CARS1: variants seen among roughly 807,000 people sequenced by gnomAD.
The protein encoded by CARS1 is cysteine--tRNA ligase, cytoplasmic.
CARS1 carries 48 observed loss-of-function variants against 106.2 expected under a neutral mutation model. That is an observed-to-expected ratio of 0.45 (90% CI 0.36 to 0.57). CARS1 has a LOEUF of 0.57. Ranked by LOEUF, CARS1 falls within the 20% of genes least tolerant of loss-of-function variation. The pLI, the probability that CARS1 is intolerant of heterozygous loss-of-function variation, is 0.00. For missense variants in CARS1, 968 were observed against 1,057.2 expected, an observed-to-expected ratio of 0.92 and a Z score of 1.17; for synonymous variants, 409 against 403.4, an observed-to-expected ratio of 1.01 and a Z score of -0.17.
At chr11:3,056,321 G>C (rs1268924196) in intron 1 of CARS1, among the ~76,000 whole-genome samples, 1 of 152,212 alleles carries the variant, frequency 6.6e-6, no homozygotes, top group East Asian at 1.9e-4. Flanking sequence ...TTAAAAACTA[G>C]ATACTGAGAA....
rs1851152845 is a variant in CARS1, at chr11:3,017,473, A to C, written c.1728-178T>G. ...GCCTGACAAACATGGAGAGACCCCC[A>C]CCTCTACTAAAAATCTGAAATTAGC... is the stretch of plus-strand genomic sequence containing the variant. On this transcript the variant is annotated intron_variant, in intron 15 of 22. Coordinates refer to ENST00000380525, the MANE Select transcript of CARS1 (RefSeq NM_001014437.3). The surrounding 1 kb of genome is among the most constrained non-coding windows in gnomAD (Gnocchi z 4.9). The C allele has an allele frequency of 6.8e-6, 4 of 590,476 alleles. No individual in the cohort carries two copies. Among genetic ancestry groups the C allele is most frequent in the African/African-American group, 5.6e-5 (3 of 53,642 alleles). The allele number at this position is 590,476 out of a possible 1,614,324, so 36.6% of individuals were successfully genotyped here. A position where few individuals can be genotyped will look rare whatever the true frequency, so the allele number is the denominator to read the frequency against.
At position 3,020,328 on chromosome 11, in the gene CARS1, G is replaced by A. The variant is rs1851460055; in HGVS notation, c.1158C>T (p.Asp386=). ...DQKALQEGEG[D]LSISADRLSE... ...TCAGGCGGTCTGCAGAGATGCTCAG[G>A]TCACCTGCAAACACGAGGGACGCCA... Residue 386 remains aspartate (D), a synonymous_variant, in exon 11 of 23, where the codon GAC becomes GAT. Transcript: ENST00000380525. This position sits in a 1 kb window ranked among gnomAD's most constrained non-coding sequence, Gnocchi z 4.6. The A allele has an allele frequency of 6.2e-7, 1 of 1,609,690 alleles. No homozygotes were observed. Among genetic ancestry groups the A allele is most frequent in the Non-Finnish European group, 8.5e-7 (1 of 1,175,996 alleles).
Position 3,000,993 on chromosome 11 carries a change from A to G in CARS1, c.*121T>C. On this transcript the variant is annotated 3_prime_UTR_variant, in exon 23 of 23. Transcript: ENST00000380525. The surrounding 1 kb of genome is among the most constrained non-coding windows in gnomAD (Gnocchi z 7.1). ...AACGACGACACGAACCTACATGAACACAACTCTTAATTTAGGACCCAAGGG... is the reference window on the plus strand; with the variant it reads ...AACGACGACACGAACCTACATGAACGCAACTCTTAATTTAGGACCCAAGGG... 2 of 1,146,520 alleles carry G rather than the reference A, an allele frequency of 1.7e-6. No individual in the cohort carries two copies. Among genetic ancestry groups the G allele is most frequent in the Admixed American group, 2.1e-5 (1 of 48,372 alleles). The allele number at this position is 1,146,520 out of a possible 1,614,324, so 71.0% of individuals were successfully genotyped here.
intron 1 of CARS1, among the ~76,000 whole-genome samples, chr11:3,051,567 C>G (rs1423794726): frequency 6.6e-6 from 1 of 152,240 alleles, no homozygotes; most frequent in Non-Finnish European, 1.5e-5. Flanking sequence ...TTTTGCAGAG[C>G]AACTTCCAGC....
At position 3,045,277 on chromosome 11, in the gene CARS1, C is replaced by T; in HGVS notation, c.274+2476G>A. ...AGCCTTTCCATTATCTCCAACCCCC[C>T]ACCCCGAGACGGAGTCTCGCTCTGT... On this transcript the variant is annotated intron_variant, in intron 2 of 22. Transcript: ENST00000380525. The surrounding 1 kb of genome is among the most constrained non-coding windows in gnomAD (Gnocchi z 5.6). Among the ~76,000 whole-genome samples, 1 of 152,072 alleles carries T rather than the reference C, an allele frequency of 6.6e-6. No individual in the cohort carries two copies. The highest frequency in any genetic ancestry group is 1.9e-4 in the East Asian group (1 of 5,182).
At chr11:3,026,582 G>A in intron 10 of CARS1, 94 bp downstream of exon 10, 1 of 1,340,486 alleles carries the variant, frequency 7.5e-7, no homozygotes, top group Non-Finnish European at 1.0e-6. Context: ...TCTGAGGGGT[G>A]GGCTCAGCGC....
Position 3,020,995 on chromosome 11 carries a change from T to A in CARS1, c.1154-663A>T, listed in dbSNP as rs1267919075. On this transcript the variant is annotated intron_variant, in intron 10 of 22. Coordinates refer to ENST00000380525, the MANE Select transcript of CARS1 (RefSeq NM_001014437.3). This position sits in a 1 kb window ranked among gnomAD's most constrained non-coding sequence, Gnocchi z 4.6. ...AGTTCTATTTCCTGGACAAAGCCAA[T>A]GATCACCTGGCCAACAAAAACAAGA... Among the ~76,000 whole-genome samples the A allele has an allele frequency of 6.6e-6, 1 of 152,080 alleles. No homozygotes were observed. The highest frequency in any genetic ancestry group is 2.4e-5 in the African/African-American group (1 of 41,378).
intron 19 of CARS1, among the ~76,000 whole-genome samples, chr11:3,006,597 G>A (rs768540561): frequency 6.6e-6 from 1 of 152,256 alleles, no homozygotes; most frequent in South Asian, 2.1e-4. Context: ...CTTCAAAGGC[G>A]GTAGCAACAG....
rs147744107 is a variant in CARS1, at chr11:3,032,928, G to A, written c.802-3485C>T. On this transcript the variant is annotated intron_variant, in intron 7 of 22. Transcript: ENST00000380525. ...GGGTAATGACGCTCAGAGCAGGTTC[G>A]CTGACTGTAAGAAACGTACCCCCTG... Among the ~76,000 whole-genome samples the A allele has an allele frequency of 2.1e-3, 319 of 151,742 alleles. 2 individuals carry two copies. The highest frequency in any genetic ancestry group is 7.3e-3 in the African/African-American group (302 of 41,328).
In CARS1 at chr11:3,040,103, GGAT is replaced by G; in HGVS notation, c.456-175_456-173del. 1 of 548,924 alleles carries G rather than the reference GGAT, an allele frequency of 1.8e-6. No homozygotes were observed. 34.0% of individuals were successfully genotyped at this position (548,924 alleles called of 1,614,324 possible). A position where few individuals can be genotyped will look rare whatever the true frequency, so the allele number is the denominator to read the frequency against. ...AGTCTACTCAACGTGAAGATGGCAA[GGAT>G]GATGACCTTTATAATGATCCACTTC... is the stretch of plus-strand genomic sequence containing the variant. On this transcript the variant is annotated intron_variant, in intron 4 of 22. Transcript: ENST00000380525. This position sits in a 1 kb window ranked among gnomAD's most constrained non-coding sequence, Gnocchi z 5.8.
intron 10 of CARS1, 38 bp downstream of exon 10, chr11:3,026,638 A>T: frequency 6.2e-7 from 1 of 1,608,242 alleles, no homozygotes; most frequent in East Asian, 2.2e-5. Flanking sequence ...CTGGGCCAGG[A>T]GGGAGAGCCC....
At chr11:3,009,700 G>A (rs997444484) in intron 18 of CARS1, among the ~76,000 whole-genome samples, 1 of 152,194 alleles carries the variant, frequency 6.6e-6, no homozygotes, top group Admixed American at 6.5e-5. Context: ...CTCCTTGCCA[G>A]GCCTGTGCTC....
chr11:3,033,973 A>C (rs1024286230), intron 7 of CARS1, among the ~76,000 whole-genome samples: 8 of 152,148 alleles, frequency 5.3e-5, no homozygotes, highest in Non-Finnish European at 1.0e-4. Context: ...GTAGAGATAG[A>C]GTCTCACTAT....
chr11:3,017,055 C>T lies in CARS1; in HGVS notation c.1917+51G>A, dbSNP rs778690744. The stretch of plus-strand genomic sequence containing the variant: ...CTGTTCTCCCAGTCCTGGGGCCTGG[C>T]TCCTGTGTCCACACAGGCTGAGGGA... On this transcript the variant is annotated intron_variant, in intron 16 of 22. Coordinates refer to ENST00000380525, the MANE Select transcript of CARS1 (RefSeq NM_001014437.3). This position sits in a 1 kb window ranked among gnomAD's most constrained non-coding sequence, Gnocchi z 4.9. 87 of 1,518,136 alleles carry T rather than the reference C, an allele frequency of 5.7e-5. No individual in the cohort carries two copies. Among genetic ancestry groups the T allele is most frequent in the African/African-American group, 1.1e-4 (8 of 72,698 alleles). 94.0% of individuals were successfully genotyped at this position (1,518,136 alleles called of 1,614,324 possible).
Position 3,029,391 on chromosome 11 carries a change from A to C in CARS1, c.854T>G (p.Leu285Arg). ...DLLSDWLDST[L>R]GCDVTDNSIF... ...GGAATTGTCAGTGACATCACAGCCAAGTGTAGAATCCAGCCAGTCAGAGAG... is the reference window on the plus strand; with the variant it reads ...GGAATTGTCAGTGACATCACAGCCACGTGTAGAATCCAGCCAGTCAGAGAG... The change falls in exon 8 of 23, where the codon CTT becomes CGT. Residue 285 changes from leucine to arginine, a missense_variant. By Grantham distance (102) the Leu-to-Arg change is moderately radical. Transcript: ENST00000380525. The surrounding 1 kb of genome is among the most constrained non-coding windows in gnomAD (Gnocchi z 5.9). 6.2e-7 allele frequency: 1 copy of C among 1,614,128 alleles called. No homozygotes were observed.
intron 10 of CARS1, among the ~76,000 whole-genome samples, chr11:3,023,836 C>G (rs1413695680): frequency 6.6e-6 from 1 of 152,046 alleles, no homozygotes; most frequent in Non-Finnish European, 1.5e-5. Context: ...CCTCCTATTT[C>G]TTTCTACTTC....
In CARS1 at chr11:3,019,933, C is replaced by T. The variant is rs1028736982; in HGVS notation, c.1266+287G>A. ...CTGGGGCCTGGAATACTCAGAGTCA[C>T]AGAACACAAGAACCAAGAAGCCTCC... On this transcript the variant is annotated intron_variant, in intron 11 of 22. Transcript: ENST00000380525. This position sits in a 1 kb window ranked among gnomAD's most constrained non-coding sequence, Gnocchi z 6.2. Among the ~76,000 whole-genome samples, 9 of 152,166 alleles carry T rather than the reference C, an allele frequency of 5.9e-5. No homozygotes were observed. Among genetic ancestry groups the T allele is most frequent in the South Asian group, 4.1e-4 (2 of 4,824 alleles).
rs541144263 is a variant in CARS1 at position 3,052,255 on chromosome 11, C to T, written c.26-4254G>A. On this transcript the variant is annotated intron_variant, in intron 1 of 22. Transcript: ENST00000380525. This position sits in a 1 kb window ranked among gnomAD's most constrained non-coding sequence, Gnocchi z 4.6. Reference sequence around the variant, plus strand: ...GGCTGAGTACCTACACTCACACACACGGCGGCATTTCCTCACGGTAAAACA... The same window carrying T: ...GGCTGAGTACCTACACTCACACACATGGCGGCATTTCCTCACGGTAAAACA... 1.3e-5 allele frequency among the ~76,000 whole-genome samples: 2 copies of T among 152,218 alleles called. No homozygotes were observed. The highest frequency in any genetic ancestry group is 2.4e-5 in the African/African-American group (1 of 41,462).
At position 3,019,101 on chromosome 11, in the gene CARS1, G is replaced by A. The variant is rs892811276; in HGVS notation, c.1395+38C>T. On this transcript the variant is annotated intron_variant, in intron 12 of 22. Transcript: ENST00000380525. This position sits in a 1 kb window ranked among gnomAD's most constrained non-coding sequence, Gnocchi z 6.2. ...TCCTCCACTGCAGTATGAACACTGTGCTCTTGCACCTGACAAGGGGACTCT... is the reference window on the plus strand; with the variant it reads ...TCCTCCACTGCAGTATGAACACTGTACTCTTGCACCTGACAAGGGGACTCT... 1.3e-6 allele frequency: 2 copies of A among 1,495,502 alleles called. No homozygotes were observed. Among genetic ancestry groups the A allele is most frequent in the Non-Finnish European group, 1.8e-6 (2 of 1,124,478 alleles). 92.6% of individuals were successfully genotyped at this position (1,495,502 alleles called of 1,614,324 possible). A position where few individuals can be genotyped will look rare whatever the true frequency, so the allele number is the denominator to read the frequency against.
Sources: gnomAD v4.1 joint callset for allele counts (sites outside exome capture counted in the v4.1 genomes callset) on GRCh38, gnomAD v4.1.1 for gene constraint, Gnocchi (gnomAD v3.1) non-coding constraint, MANE v1.5 for transcripts, NCBI Gene and HGNC (gene_info 2026-07-23, HGNC 2026-07-21) for gene names.